The following AZIN2 variants were observed in gnomAD, a reference collection of about 807,000 sequenced individuals.
AZIN2 encodes antizyme inhibitor 2, also known as ODC antizyme inhibitor-2.
AZIN2 carries 28 observed loss-of-function variants against 47.8 expected under a neutral mutation model. The ratio of observed to expected loss-of-function variants is 0.59; its 90% confidence interval spans 0.43 to 0.80. The LOEUF is 0.80. Ranked by LOEUF, AZIN2 falls within the 30% of genes least tolerant of loss-of-function variation. The pLI, the probability that AZIN2 is intolerant of heterozygous loss-of-function variation, is 0.00. For synonymous variants in AZIN2, 221 were observed against 239.4 expected (o/e 0.92, Z 0.71); for missense variants, 535 against 582.5 (o/e 0.92, Z 0.84).
At chr1:33,103,595 A>T (rs1440974176) in intron 10 of AZIN2, among the ~76,000 whole-genome samples, 1 of 152,040 alleles carries the variant, frequency 6.6e-6, no homozygotes, top group African/African-American at 2.4e-5. Flanking sequence ...GTAATCTGTT[A>T]ATTATCTTGT....
At chr1:33,128,555 A>G in the AZIN2 span, among the ~76,000 whole-genome samples, 2 of 152,210 alleles carry the variant, frequency 1.3e-5, no homozygotes, top group African/African-American at 4.8e-5. Flanking sequence ...TCTCTGCCTA[A>G]TCTGAATCTC....
the AZIN2 span, among the ~76,000 whole-genome samples, chr1:33,162,616 T>C: frequency 1.3e-5 from 2 of 152,164 alleles, no homozygotes; most frequent in African/African-American, 2.4e-5. Flanking sequence ...GATTGCTCCG[T>C]AGAGCTGGGT....
At chr1:33,082,596 C>T in intron 4 of AZIN2, 1 of 423,266 alleles carries the variant, frequency 2.4e-6, no homozygotes, top group Non-Finnish European at 4.3e-6. Context: ...TTTCCTGCTG[C>T]CCCCTCTCCC....
intron 7 of AZIN2, 128 bp from the exon 8 acceptor site, chr1:33,094,420 C>T: frequency 9.9e-7 from 1 of 1,005,216 alleles, no homozygotes; most frequent in Non-Finnish European, 1.5e-6. Flanking sequence ...CATTTCAGGA[C>T]CTTGGTCACT....
At chr1:33,085,874 G>A (rs1380875185) in intron 5 of AZIN2, among the ~76,000 whole-genome samples, 2 of 152,186 alleles carry the variant, frequency 1.3e-5, no homozygotes, top group African/African-American at 4.8e-5. Context: ...TCTGTGGGTA[G>A]CAGAGCCAGG....
chr1:33,132,410 C>T, the AZIN2 span, among the ~76,000 whole-genome samples: 15 of 152,354 alleles, frequency 9.8e-5, no homozygotes, highest in Non-Finnish European at 1.5e-4. Context: ...GGCTGTGTTT[C>T]AGTGAAACTT....
intron 10 of AZIN2, among the ~76,000 whole-genome samples, chr1:33,102,611 A>G (rs1246899560): frequency 6.6e-6 from 1 of 151,974 alleles, no homozygotes; most frequent in Non-Finnish European, 1.5e-5. Flanking sequence ...TCTCCTTGGC[A>G]CTTCTCCTGC....
Position 33,102,843 on chromosome 1 carries a change from T to A in AZIN2, c.1029+4664T>A, listed in dbSNP as rs527376024. 1.9e-3 allele frequency among the ~76,000 whole-genome samples: 295 copies of A among 152,284 alleles called. 2 individuals are homozygous for A. The highest frequency in any genetic ancestry group is 6.7e-3 in the African/African-American group (279 of 41,550). ...CTGGGATTTCACAGACATCTCAAGTTTAACTTGTTCAGAACTGAACTCTTG... is the reference window on the plus strand; with the variant it reads ...CTGGGATTTCACAGACATCTCAAGTATAACTTGTTCAGAACTGAACTCTTG... On this transcript the variant is annotated intron_variant, in intron 10 of 11. Coordinates refer to ENST00000294517, the MANE Select transcript of AZIN2 (RefSeq NM_052998.4).
At chr1:33,149,073 G>A in the AZIN2 span, among the ~76,000 whole-genome samples, 4 of 152,142 alleles carry the variant, frequency 2.6e-5, no homozygotes, top group Non-Finnish European at 4.4e-5. Context: ...CAATTCAAAA[G>A]GCCCACCCTT....
chr1:33,140,510 A>C, the AZIN2 span, among the ~76,000 whole-genome samples: 22 of 152,320 alleles, frequency 1.4e-4, no homozygotes, highest in African/African-American at 5.3e-4. This position sits in a 1 kb window ranked among gnomAD's most constrained non-coding sequence, Gnocchi z 4.0. Context: ...CTCAGCCTGC[A>C]GGGAGTGAGG....
At chr1:33,091,425 A>G (rs1012522802) in intron 5 of AZIN2, among the ~76,000 whole-genome samples, 2 of 152,134 alleles carry the variant, frequency 1.3e-5, no homozygotes, top group African/African-American at 4.8e-5. Context: ...TTTTTGGTAG[A>G]GATGGGGTTT....
the AZIN2 span, among the ~76,000 whole-genome samples, chr1:33,156,555 G>T: frequency 6.6e-6 from 1 of 152,096 alleles, no homozygotes; most frequent in African/African-American, 2.4e-5. Flanking sequence ...CCTTGGCTGG[G>T]TCCCCCTCTT....
At chr1:33,101,672 C>T (rs1255056267) in intron 10 of AZIN2, among the ~76,000 whole-genome samples, 1 of 152,126 alleles carries the variant, frequency 6.6e-6, no homozygotes, top group East Asian at 1.9e-4. Context: ...TATCTTGACT[C>T]ATGCATTATC....
At chr1:33,102,004 CCT>C in intron 10 of AZIN2, 2 of 671,180 alleles carry the variant, frequency 3.0e-6, no homozygotes, top group Non-Finnish European at 2.8e-6. Context: ...TTCTTGTTTC[CCT>C]CTCTCTGATG....
chr1:33,097,014 G>C, intron 9 of AZIN2, 145 bp downstream of exon 9: 1 of 941,230 alleles, frequency 1.1e-6, no homozygotes, highest in South Asian at 1.6e-5. Flanking sequence ...GAAACTTTCA[G>C]TCAAGTCGCC....
the AZIN2 span, among the ~76,000 whole-genome samples, chr1:33,135,820 T>C: frequency 6.6e-6 from 1 of 152,224 alleles, no homozygotes; most frequent in African/African-American, 2.4e-5. Flanking sequence ...AGACCTGGGA[T>C]GCGGCTGTTG....
the AZIN2 span, chr1:33,147,730 G>A: frequency 6.2e-7 from 1 of 1,607,062 alleles, no homozygotes; most frequent in Non-Finnish European, 8.5e-7. This position sits in a 1 kb window ranked among gnomAD's most constrained non-coding sequence, Gnocchi z 8.1. Context: ...GGCTGGCACT[G>A]TGGGGGTTGG....
chr1:33,155,121 T>G, the AZIN2 span, among the ~76,000 whole-genome samples: 14 of 143,872 alleles, frequency 9.7e-5, no homozygotes, highest in South Asian at 1.9e-3. Context: ...GCCCAGGCTG[T>G]AGTGCAGTGG....
the AZIN2 span, among the ~76,000 whole-genome samples, chr1:33,162,118 T>A: frequency 6.6e-6 from 1 of 152,218 alleles, no homozygotes; most frequent in Non-Finnish European, 1.5e-5. Flanking sequence ...GCAAACTCAC[T>A]GTCAGAGTGA....
Sources: gnomAD v4.1 joint callset for allele counts (sites outside exome capture counted in the v4.1 genomes callset) on GRCh38, gnomAD v4.1.1 for gene constraint, Gnocchi (gnomAD v3.1) non-coding constraint, MANE v1.5 for transcripts, NCBI Gene and HGNC (gene_info 2026-07-23, HGNC 2026-07-21) for gene names.